SOX5: variants seen among roughly 807,000 people sequenced by gnomAD.
SOX5 encodes the protein SRY-box transcription factor 5, also known as transcription factor SOX-5.
In SOX5, 9 loss-of-function variants were observed where a neutral mutation model predicts 92.0. The ratio of observed to expected loss-of-function variants is 0.10; its 90% confidence interval spans 0.06 to 0.17. The LOEUF (loss-of-function observed/expected upper bound fraction) is 0.17, where lower values mean the gene tolerates loss of function less well. Ranked by LOEUF, SOX5 falls within the 10% of genes least tolerant of loss-of-function variation. The pLI is 1.00. For missense variants in SOX5, 642 were observed against 944.5 expected, an observed-to-expected ratio of 0.68 and a Z score of 4.20; for synonymous variants, 344 against 336.3, an observed-to-expected ratio of 1.02 and a Z score of -0.25.
intron 4 of SOX5, among the ~76,000 whole-genome samples, chr12:24,158,577 A>T (rs963491234): frequency 3.3e-5 from 5 of 151,994 alleles, no homozygotes; most frequent in African/African-American, 1.2e-4. Flanking sequence ...CTTTTTAGAC[A>T]TACTTTCAAA....
At chr12:23,774,734 AT>A (rs1199567290) in intron 3 of SOX5, among the ~76,000 whole-genome samples, 2 of 152,112 alleles carry the variant, frequency 1.3e-5, no homozygotes, top group African/African-American at 4.8e-5. Flanking sequence ...GAAGTCCTCT[AT>A]TTTTACCCTG....
intron 4 of SOX5, among the ~76,000 whole-genome samples, chr12:24,206,135 A>C (rs1957995817): frequency 6.6e-6 from 1 of 152,242 alleles, no homozygotes; most frequent in Non-Finnish European, 1.5e-5. Context: ...ACTCTTAGAA[A>C]TGACAATATC....
intron 3 of SOX5, among the ~76,000 whole-genome samples, chr12:24,276,898 A>G (rs1944494136): frequency 6.6e-6 from 1 of 152,144 alleles, no homozygotes; most frequent in Non-Finnish European, 1.5e-5. Context: ...AAATGTTTCA[A>G]AAAACATTTT....
At chr12:24,069,243 G>A (rs1021446381) in intron 4 of SOX5, among the ~76,000 whole-genome samples, 1 of 152,076 alleles carries the variant, frequency 6.6e-6, no homozygotes, top group Non-Finnish European at 1.5e-5. Context: ...ACTTAATAGA[G>A]CACGCTTTCT....
At chr12:23,926,257 C>A (rs1270526721) in intron 1 of SOX5, among the ~76,000 whole-genome samples, 2 of 152,042 alleles carry the variant, frequency 1.3e-5, no homozygotes, top group African/African-American at 2.4e-5. Context: ...AAGAAAATTT[C>A]TCTCACCAAA....
rs141471054 is a variant in SOX5, at chr12:24,175,243, C to T, written c.-2+38100G>A. ...TCATGTAGTGGGAACAATTTTCCAG[C>T]AGTTTTGCACATAGTATTTTCAGTT... On this transcript the variant is annotated intron_variant, in intron 4 of 4. Transcript: ENST00000446891. 1.9e-3 allele frequency among the ~76,000 whole-genome samples: 289 copies of T among 152,342 alleles called. 2 individuals are homozygous for T. The highest frequency in any genetic ancestry group is 6.9e-3 in the African/African-American group (286 of 41,576).
intron 2 of SOX5, among the ~76,000 whole-genome samples, chr12:24,348,067 A>C (rs1953556170): frequency 6.6e-6 from 1 of 150,870 alleles, no homozygotes; most frequent in Non-Finnish European, 1.5e-5. Flanking sequence ...AAAAAAAAAA[A>C]AAACAGAAAT....
intron 4 of SOX5, among the ~76,000 whole-genome samples, chr12:24,002,487 A>G (rs1951704683): frequency 6.6e-6 from 1 of 152,130 alleles, no homozygotes; most frequent in Admixed American, 6.6e-5. Context: ...AAAATTCTGA[A>G]AAAGACACAA....
At chr12:24,346,038 T>C (rs564447021) in intron 2 of SOX5, among the ~76,000 whole-genome samples, 2 of 152,376 alleles carry the variant, frequency 1.3e-5, no homozygotes, top group Non-Finnish European at 2.9e-5. Context: ...AATACACTTA[T>C]ACTTCATCAA....
At position 24,224,154 on chromosome 12, in the gene SOX5, C is replaced by G. The variant is rs142006597; in HGVS notation, c.-76-10737G>C. ...GTACTATTAGATTGAGCCCGGCAACCCAGGATGACAAACAGTGCCTGCAAG... is the reference window on the plus strand; with the variant it reads ...GTACTATTAGATTGAGCCCGGCAACGCAGGATGACAAACAGTGCCTGCAAG... On this transcript the variant is annotated intron_variant, in intron 3 of 4. Coordinates refer to the SOX5 transcript ENST00000446891. Among the ~76,000 whole-genome samples, 211 of 152,218 alleles carry G rather than the reference C, an allele frequency of 1.4e-3. 2 individuals carry two copies. The highest frequency in any genetic ancestry group is 4.6e-3 in the African/African-American group (192 of 41,526).
chr12:23,859,718 C>T (rs932926453), intron 2 of SOX5, among the ~76,000 whole-genome samples: 4 of 152,238 alleles, frequency 2.6e-5, no homozygotes, highest in African/African-American at 7.2e-5. Flanking sequence ...GTGGGCATCA[C>T]GGAATCTGCT....
chr12:24,293,256 C>T (rs1565843744), intron 2 of SOX5, among the ~76,000 whole-genome samples: 2 of 152,278 alleles, frequency 1.3e-5, no homozygotes, highest in East Asian at 3.9e-4. Context: ...GCAATTCTAA[C>T]AAAAACATAT....
intron 2 of SOX5, among the ~76,000 whole-genome samples, chr12:23,849,112 TAAG>T (rs2096604270): frequency 6.6e-6 from 1 of 152,182 alleles, no homozygotes; most frequent in South Asian, 2.1e-4. Flanking sequence ...ATGTGCTAAT[TAAG>T]AAGAATTAAC....
At chr12:24,278,109 G>A (rs572881601) in intron 2 of SOX5, among the ~76,000 whole-genome samples, 22 of 152,076 alleles carry the variant, frequency 1.4e-4, no homozygotes, top group Non-Finnish European at 2.6e-4. Flanking sequence ...TGGCTCAGTC[G>A]CTCCGCTATT....
Position 24,320,871 on chromosome 12 carries a change from A to AT in SOX5, c.-173-43560_-173-43559insA, listed in dbSNP as rs1555228063. The stretch of plus-strand genomic sequence containing the variant: ...CAGAGCAAGACTCTGTCTCAAAAAA[A>AT]AATAATAATAATAATAATAATAATA... On this transcript the variant is annotated intron_variant, in intron 2 of 4. Coordinates refer to the SOX5 transcript ENST00000446891. Among the ~76,000 whole-genome samples the AT allele has an allele frequency of 2.4e-3, 354 of 148,298 alleles. 1 individual carries two copies. The highest frequency in any genetic ancestry group is 3.8e-3 in the Non-Finnish European group (256 of 66,852).
chr12:24,528,743 C>T (rs1950929658), intron 1 of SOX5, among the ~76,000 whole-genome samples: 1 of 152,206 alleles, frequency 6.6e-6, no homozygotes, highest in African/African-American at 2.4e-5. Flanking sequence ...CCAGCATCCT[C>T]AGTGGATCTA....
chr12:23,560,339 T>C (rs1176487964), intron 11 of SOX5, among the ~76,000 whole-genome samples: 1 of 152,210 alleles, frequency 6.6e-6, no homozygotes, highest in Non-Finnish European at 1.5e-5. Flanking sequence ...TATGGCAAAA[T>C]TTCAAACCAA....
intron 3 of SOX5, among the ~76,000 whole-genome samples, chr12:24,223,043 T>A (rs1385832479): frequency 6.6e-6 from 1 of 152,346 alleles, no homozygotes; most frequent in East Asian, 1.9e-4. Flanking sequence ...CTTTTCTCTA[T>A]TCATGGGTAA....
intron 1 of SOX5, among the ~76,000 whole-genome samples, chr12:24,470,612 C>G (rs764974258): frequency 1.3e-4 from 20 of 152,136 alleles, no homozygotes; most frequent in Non-Finnish European, 2.8e-4. Context: ...AATTAGACAA[C>G]TAGTGTGACT....
Sources: gnomAD v4.1 joint callset for allele counts (sites outside exome capture counted in the v4.1 genomes callset) on GRCh38, gnomAD v4.1.1 for gene constraint, MANE v1.5 for transcripts, NCBI Gene and HGNC (gene_info 2026-07-23, HGNC 2026-07-21) for gene names.